DIP2C: variants seen among roughly 807,000 people sequenced by gnomAD.
DIP2C encodes DIP2 acetate--CoA ligase C (putative), also known as disco-interacting protein 2 homolog C.
DIP2C carries 33 observed loss-of-function variants against 192.4 expected under a neutral mutation model. The ratio of observed to expected loss-of-function variants is 0.17; its 90% CI spans 0.13 to 0.23. The LOEUF (loss-of-function observed/expected upper bound fraction) is 0.23. Among genes scored for constraint, DIP2C ranks in the 10% least tolerant of loss-of-function variants. DIP2C has a pLI of 1.00. For synonymous variants in DIP2C, 979 were observed against 864.1 expected (o/e 1.13, Z -2.33); for missense variants, 1,537 against 2,110.1 (o/e 0.73, Z 5.32).
intron 29 of DIP2C, among the ~76,000 whole-genome samples, chr10:336,512 C>T (rs188985620): frequency 2.0e-4 from 31 of 152,208 alleles, no homozygotes; most frequent in East Asian, 1.9e-3. Flanking sequence ...TACTTGGGCA[C>T]GGTGGATTAG....
chr10:397,911 C>G (rs1254983611), intron 10 of DIP2C, among the ~76,000 whole-genome samples: 1 of 152,162 alleles, frequency 6.6e-6, no homozygotes, highest in Non-Finnish European at 1.5e-5. Flanking sequence ...ACATGCCCCC[C>G]TTACTCCCTC....
intron 17 of DIP2C, among the ~76,000 whole-genome samples, chr10:371,565 G>A (rs1396353454): frequency 1.3e-5 from 2 of 152,238 alleles, no homozygotes; most frequent in Non-Finnish European, 1.5e-5. Flanking sequence ...AGACTGGAGT[G>A]ACAGGTACCC....
At chr10:682,182 C>T (rs568714613) in intron 1 of DIP2C, among the ~76,000 whole-genome samples, 65 of 152,226 alleles carry the variant, frequency 4.3e-4, no homozygotes, top group Non-Finnish European at 8.8e-4. Context: ...AAGGCCAGGG[C>T]TTCTTCCTGC....
intron 4 of DIP2C, among the ~76,000 whole-genome samples, chr10:430,809 T>C (rs1966849157): frequency 6.6e-6 from 1 of 152,258 alleles, no homozygotes; most frequent in Non-Finnish European, 1.5e-5. Flanking sequence ...ATTTTACATC[T>C]GTCATCTATT....
chr10:605,121 G>A (rs553322253), intron 1 of DIP2C, among the ~76,000 whole-genome samples: 2 of 152,316 alleles, frequency 1.3e-5, no homozygotes, highest in South Asian at 2.1e-4. Context: ...CCCAGCTGCC[G>A]CGATGCCGTG....
intron 32 of DIP2C, among the ~76,000 whole-genome samples, chr10:301,009 T>C (rs2132264375): frequency 6.6e-6 from 1 of 152,314 alleles, no homozygotes; most frequent in South Asian, 2.1e-4. Context: ...ACTATCAGTG[T>C]GTAGTCCCTA....
intron 3 of DIP2C, among the ~76,000 whole-genome samples, chr10:442,710 A>G (rs1967848483): frequency 6.6e-6 from 1 of 152,308 alleles, no homozygotes; most frequent in Non-Finnish European, 1.5e-5. Context: ...ATATTCCTCT[A>G]TACCTAAATG....
intron 32 of DIP2C, among the ~76,000 whole-genome samples, chr10:294,318 T>C (rs1487645351): frequency 1.3e-5 from 2 of 152,078 alleles, no homozygotes; most frequent in Non-Finnish European, 2.9e-5. Context: ...CATGCATCAA[T>C]ACTCTGGGTG....
chr10:361,843 C>G (rs959099270), intron 22 of DIP2C, among the ~76,000 whole-genome samples: 2 of 152,170 alleles, frequency 1.3e-5, no homozygotes, highest in Non-Finnish European at 2.9e-5. Context: ...CGGCTCCCAA[C>G]AGAAGGCCAC....
chr10:337,152 G>A (rs1363120542), intron 29 of DIP2C, among the ~76,000 whole-genome samples: 2 of 115,956 alleles, frequency 1.7e-5, no homozygotes, highest in Non-Finnish European at 3.5e-5. Flanking sequence ...GTGTGTTGTG[G>A]AGGCCTAGGC....
chr10:479,827 C>T (rs1295101347), intron 2 of DIP2C, among the ~76,000 whole-genome samples: 4 of 152,128 alleles, frequency 2.6e-5, no homozygotes, highest in Non-Finnish European at 4.4e-5. Context: ...GAGCTCCAGT[C>T]GACGCTCACT....
At chr10:549,563 C>T (rs1266553164) in intron 1 of DIP2C, among the ~76,000 whole-genome samples, 3 of 152,082 alleles carry the variant, frequency 2.0e-5, no homozygotes, top group African/African-American at 4.8e-5. Flanking sequence ...CAGCCAAGGG[C>T]GGCATTTGGA....
intron 1 of DIP2C, among the ~76,000 whole-genome samples, chr10:540,947 T>C (rs1258404035): frequency 6.6e-6 from 1 of 151,986 alleles, no homozygotes; most frequent in East Asian, 1.9e-4. Context: ...GGTAGGAAGG[T>C]GGTGGTCGTG....
intron 1 of DIP2C, among the ~76,000 whole-genome samples, chr10:557,901 C>CTGGCAGGCAG: frequency 8.3e-5 from 1 of 12,024 alleles, no homozygotes; most frequent in African/African-American, 3.2e-4. Context: ...CAGGGGCAGG[C>CTGGCAGGCAG]GGGGAAGGGG....
chr10:655,497 G>A (rs1166295317), intron 1 of DIP2C, among the ~76,000 whole-genome samples: 3 of 151,248 alleles, frequency 2.0e-5, no homozygotes, highest in South Asian at 2.1e-4. Flanking sequence ...ACTACGCTAC[G>A]TAATACTCAC....
At chr10:414,657 G>T (rs538542515) in intron 7 of DIP2C, among the ~76,000 whole-genome samples, 1 of 149,840 alleles carries the variant, frequency 6.7e-6, no homozygotes, top group Non-Finnish European at 1.5e-5. Context: ...CCTGTAGCTA[G>T]GACTACAGGC....
At chr10:513,703 A>C (rs1167067395) in intron 1 of DIP2C, among the ~76,000 whole-genome samples, 1 of 152,146 alleles carries the variant, frequency 6.6e-6, no homozygotes, top group Non-Finnish European at 1.5e-5. Flanking sequence ...TCCAGCCTGC[A>C]CATGTTTAAA....
At chr10:620,715 T>C (rs1853800508) in intron 1 of DIP2C, among the ~76,000 whole-genome samples, 1 of 152,198 alleles carries the variant, frequency 6.6e-6, no homozygotes, top group Non-Finnish European at 1.5e-5. Flanking sequence ...TGTCTCCTCC[T>C]GTGTCAGTGG....
At chr10:495,995 T>C (rs1844800855) in intron 1 of DIP2C, among the ~76,000 whole-genome samples, 1 of 148,738 alleles carries the variant, frequency 6.7e-6, no homozygotes, top group African/African-American at 2.5e-5. Context: ...TGAAGAAATG[T>C]TGAGTGCATA....
Sources: gnomAD v4.1 joint callset for allele counts (sites outside exome capture counted in the v4.1 genomes callset) on GRCh38, gnomAD v4.1.1 for gene constraint, MANE v1.5 for transcripts, NCBI Gene and HGNC (gene_info 2026-07-23, HGNC 2026-07-21) for gene names.